The following FOXN3 variants were observed in gnomAD, a reference collection of about 807,000 sequenced individuals.
FOXN3 encodes the protein forkhead box protein N3.
Under a neutral mutation model 38.4 loss-of-function variants are expected in FOXN3, and 7 were observed. The ratio of observed to expected loss-of-function variants is 0.18; its 90% CI spans 0.10 to 0.34. FOXN3 has a LOEUF of 0.34. Ranked by LOEUF, FOXN3 falls within the 10% of genes least tolerant of loss-of-function variation. The pLI, the probability that FOXN3 is intolerant of heterozygous loss-of-function variation, is 1.00. For missense variants in FOXN3, 456 were observed against 613.4 expected, an observed-to-expected ratio of 0.74 and a Z score of 2.71; for synonymous variants, 230 against 242.2, an observed-to-expected ratio of 0.95 and a Z score of 0.47.
At chr14:89,554,871 C>T (rs1011843971) in intron 1 of FOXN3, among the ~76,000 whole-genome samples, 1 of 146,712 alleles carries the variant, frequency 6.8e-6, no homozygotes, top group African/African-American at 2.5e-5. Flanking sequence ...TCACTGAAAC[C>T]TCAGCCTCCC....
intron 1 of FOXN3, among the ~76,000 whole-genome samples, chr14:89,443,864 C>A (rs1892439317): frequency 6.6e-6 from 1 of 152,012 alleles, no homozygotes; most frequent in Non-Finnish European, 1.5e-5. Context: ...ACAAAATTAG[C>A]TAGGCATGGT....
chr14:89,474,444 G>A (rs1893168515), intron 1 of FOXN3, among the ~76,000 whole-genome samples: 1 of 152,136 alleles, frequency 6.6e-6, no homozygotes, highest in African/African-American at 2.4e-5. Context: ...TGTATGTGTG[G>A]CAGAACCACT....
At chr14:89,182,883 G>A (rs1435206061) in intron 4 of FOXN3, among the ~76,000 whole-genome samples, 2 of 152,172 alleles carry the variant, frequency 1.3e-5, no homozygotes, top group Non-Finnish European at 2.9e-5. Flanking sequence ...GGGAAAGCAA[G>A]TGTTAGAACA....
intron 4 of FOXN3, among the ~76,000 whole-genome samples, chr14:89,264,658 G>T (rs534885690): frequency 2.6e-5 from 4 of 152,126 alleles, no homozygotes; most frequent in Non-Finnish European, 5.9e-5. Context: ...CACCCTCAGG[G>T]TGGGCTCACA....
At chr14:89,331,760 A>G (rs1888253969) in intron 3 of FOXN3, among the ~76,000 whole-genome samples, 1 of 152,254 alleles carries the variant, frequency 6.6e-6, no homozygotes. Context: ...GTTTCACAAA[A>G]TAATAGCCTC....
In FOXN3 at chr14:89,571,744, G is replaced by A. The variant is rs980194625; in HGVS notation, c.-15+47284C>T. Among the ~76,000 whole-genome samples the A allele has an allele frequency of 3.3e-5, 5 of 152,236 alleles. No individual in the cohort carries two copies. In the East Asian group the frequency reaches 7.7e-4, roughly 24 times the overall value. On this transcript the variant is annotated intron_variant, in intron 1 of 6. Transcript: ENST00000345097. ...TTTACAAAAAACAGATGGTAAGCCCGATTTGGCCTTCAGGCTATAGTTTGC... is the reference window on the plus strand; with the variant it reads ...TTTACAAAAAACAGATGGTAAGCCCAATTTGGCCTTCAGGCTATAGTTTGC...
chr14:89,438,237 C>G (rs182359481), intron 1 of FOXN3, among the ~76,000 whole-genome samples: 95 of 152,368 alleles, frequency 6.2e-4, no homozygotes, highest in African/African-American at 2.2e-3. Flanking sequence ...CCCACTGGCC[C>G]CTTCTTGGGC....
chr14:89,206,497 G>A (rs1292271243), intron 4 of FOXN3, among the ~76,000 whole-genome samples: 1 of 152,144 alleles, frequency 6.6e-6, no homozygotes, highest in Non-Finnish European at 1.5e-5. Context: ...GGGTAAGATC[G>A]ACGGAAGATG....
chr14:89,289,310 T>C (rs1381503762), intron 3 of FOXN3, among the ~76,000 whole-genome samples: 1 of 152,100 alleles, frequency 6.6e-6, no homozygotes, highest in Non-Finnish European at 1.5e-5. Flanking sequence ...AATACATCCA[T>C]GGCTTTTCTC....
chr14:89,322,344 A>G (rs1425339937), intron 3 of FOXN3, among the ~76,000 whole-genome samples: 1 of 152,194 alleles, frequency 6.6e-6, no homozygotes, highest in African/African-American at 2.4e-5. Flanking sequence ...TCATTCATCT[A>G]TCAGTAGATG....
At chr14:89,552,416 A>G (rs1053000241) in intron 1 of FOXN3, among the ~76,000 whole-genome samples, 1 of 152,250 alleles carries the variant, frequency 6.6e-6, no homozygotes, top group African/African-American at 2.4e-5. Flanking sequence ...TCAAACAACC[A>G]AATGATTTTA....
intron 1 of FOXN3, among the ~76,000 whole-genome samples, chr14:89,558,394 C>G (rs921063556): frequency 6.6e-6 from 1 of 152,136 alleles, no homozygotes; most frequent in Non-Finnish European, 1.5e-5. Flanking sequence ...ACAGGCAGAC[C>G]GTCTGCTGGG....
At chr14:89,401,169 T>C (rs1362148776) in intron 2 of FOXN3, among the ~76,000 whole-genome samples, 1 of 152,172 alleles carries the variant, frequency 6.6e-6, no homozygotes, top group Non-Finnish European at 1.5e-5. Context: ...GGGCCAGACA[T>C]AATGGCTCAT....
chr14:89,514,815 T>C (rs1026081511), intron 1 of FOXN3, among the ~76,000 whole-genome samples: 1 of 152,130 alleles, frequency 6.6e-6, no homozygotes, highest in South Asian at 2.1e-4. Context: ...TGTCGCACTG[T>C]CCTGAAAAGA....
chr14:89,597,166 CATT>C (rs1896073447), intron 1 of FOXN3, among the ~76,000 whole-genome samples: 1 of 152,160 alleles, frequency 6.6e-6, no homozygotes, highest in Admixed American at 6.5e-5. Flanking sequence ...GTCATATTTT[CATT>C]GTCATTAATT....
intron 3 of FOXN3, among the ~76,000 whole-genome samples, chr14:89,330,982 C>G (rs1197608250): frequency 6.6e-6 from 1 of 152,206 alleles, no homozygotes; most frequent in Non-Finnish European, 1.5e-5. Flanking sequence ...ACAAGAAATG[C>G]TACGTTGTTC....
intron 1 of FOXN3, among the ~76,000 whole-genome samples, chr14:89,606,412 A>G (rs1896277243): frequency 6.6e-6 from 1 of 152,186 alleles, no homozygotes; most frequent in South Asian, 2.1e-4. Flanking sequence ...AAACATTGAT[A>G]CCAAAATTTG....
At chr14:89,315,348 C>T (rs1027631063) in intron 3 of FOXN3, among the ~76,000 whole-genome samples, 3 of 152,128 alleles carry the variant, frequency 2.0e-5, no homozygotes, top group African/African-American at 7.2e-5. Flanking sequence ...GTCGGCATAA[C>T]CCTGAAAGGA....
chr14:89,415,276 T>G (rs1267320356), intron 1 of FOXN3, among the ~76,000 whole-genome samples: 2 of 152,254 alleles, frequency 1.3e-5, no homozygotes, highest in East Asian at 3.8e-4. Flanking sequence ...TTAATTGCAC[T>G]GTTGCTATGA....
Sources: gnomAD v4.1 joint callset for allele counts (sites outside exome capture counted in the v4.1 genomes callset) on GRCh38, gnomAD v4.1.1 for gene constraint, MANE v1.5 for transcripts, NCBI Gene and HGNC (gene_info 2026-07-23, HGNC 2026-07-21) for gene names.